The following GDPD4 variants were observed in gnomAD, a reference collection of about 807,000 sequenced individuals.
GDPD4 encodes glycerophosphodiester phosphodiesterase 6.
Under a neutral mutation model 67.8 loss-of-function variants are expected in GDPD4, and 60 were observed. That is an observed-to-expected ratio of 0.88 (90% confidence interval 0.72 to 1.10). GDPD4 has a LOEUF of 1.10. GDPD4 is among the 50% of genes least tolerant of loss of function. The pLI is 0.00. For missense variants in GDPD4, 623 were observed against 613.9 expected (o/e 1.01, Z -0.16); for synonymous variants, 212 against 210.9 (o/e 1.00, Z -0.04).
chr11:77,265,703 GT>G (rs1194810365), intron 10 of GDPD4, among the ~76,000 whole-genome samples: 2 of 152,014 alleles, frequency 1.3e-5, no homozygotes, highest in African/African-American at 4.8e-5. Flanking sequence ...GAACTTATTT[GT>G]ATATTTTGTT....
chr11:77,224,799 C>T (rs545807863), intron 16 of GDPD4, among the ~76,000 whole-genome samples: 27 of 152,116 alleles, frequency 1.8e-4, no homozygotes, highest in African/African-American at 6.5e-4. Flanking sequence ...TTTTAAAATA[C>T]GGCAATAAAA....
chr11:77,275,295 T>C (rs1049549363), intron 5 of GDPD4, among the ~76,000 whole-genome samples: 2 of 152,144 alleles, frequency 1.3e-5, no homozygotes, highest in African/African-American at 2.4e-5. Context: ...AAAACAAGGA[T>C]GCTATATTGG....
intron 13 of GDPD4, 45 bp from the exon 14 acceptor site, chr11:77,233,217 T>C (rs1383237190): frequency 3.8e-6 from 6 of 1,588,588 alleles, no homozygotes; most frequent in Non-Finnish European, 5.2e-6. Flanking sequence ...TCAAGTTTCA[T>C]TCTCATCATC....
At chr11:77,296,998 G>C (rs946839467) in intron 1 of GDPD4, among the ~76,000 whole-genome samples, 1 of 149,688 alleles carries the variant, frequency 6.7e-6, no homozygotes. Context: ...AGGTTGCAGT[G>C]AGCCAAGATC....
intron 2 of GDPD4, chr11:77,286,828 T>G (rs868539237): frequency 6.6e-6 from 1 of 152,216 alleles, no homozygotes; most frequent in African/African-American, 2.4e-5. Flanking sequence ...GCTGTTTTTT[T>G]CTCCTGCGAA....
rs953496776 is a variant in GDPD4, at chr11:77,217,173, GTTCCT to G, written c.*99_*103del. On this transcript the variant is annotated 3_prime_UTR_variant, in exon 17 of 17. Transcript: ENST00000315938. ...GCTGCAAAATTGAAATGGCCTTGGT[GTTCCT>G]TTCCACTCTTGGGTAGAGCCGGGTA... 1 of 871,352 alleles carries G rather than the reference GTTCCT, an allele frequency of 1.1e-6. No homozygotes were observed. The allele number at this position is 871,352 out of a possible 1,614,324, so 54.0% of individuals were successfully genotyped here.
At chr11:77,270,121 C>T (rs568821385) in intron 7 of GDPD4, among the ~76,000 whole-genome samples, 161 bp from the exon 8 acceptor site, 1 of 152,168 alleles carries the variant, frequency 6.6e-6, no homozygotes, top group Admixed American at 6.5e-5. Context: ...CTGCATACCC[C>T]CACAGGTCAG....
chr11:77,288,244 C>T (rs986860022), intron 1 of GDPD4, among the ~76,000 whole-genome samples: 5 of 152,152 alleles, frequency 3.3e-5, no homozygotes, highest in Admixed American at 6.5e-5. Flanking sequence ...ACTGCCATCG[C>T]TGATACCACA....
chr11:77,225,476 C>G (rs1958312105), intron 16 of GDPD4, among the ~76,000 whole-genome samples: 1 of 152,096 alleles, frequency 6.6e-6, no homozygotes, highest in Non-Finnish European at 1.5e-5. Context: ...AGAATTTCAG[C>G]AAACCCTAAT....
In GDPD4 at chr11:77,229,125, CATTTAA is replaced by C; in HGVS notation, c.1472+19_1472+24del. On this transcript the variant is annotated intron_variant, in intron 15 of 16. Transcript: ENST00000315938. The stretch of plus-strand genomic sequence containing the variant: ...TAATCCATTTATTTTGGAAAAAATT[CATTTAA>C]AATTATATATATACTTACCAGTGAA... The C allele has an allele frequency of 8.8e-7, 1 of 1,133,736 alleles. No individual in the cohort carries two copies. Among genetic ancestry groups the C allele is most frequent in the Non-Finnish European group, 1.2e-6 (1 of 800,018 alleles). 70.2% of individuals were successfully genotyped at this position (1,133,736 alleles called of 1,614,324 possible).
intron 10 of GDPD4, among the ~76,000 whole-genome samples, chr11:77,265,027 T>C (rs1024803266): frequency 2.0e-5 from 3 of 152,216 alleles, no homozygotes; most frequent in South Asian, 2.1e-4. Context: ...TAAGACAACC[T>C]TTATTCACCA....
chr11:77,267,920 T>C (rs1426622777), intron 10 of GDPD4, among the ~76,000 whole-genome samples: 1 of 152,060 alleles, frequency 6.6e-6, no homozygotes, highest in Non-Finnish European at 1.5e-5. Flanking sequence ...TTTTTTCTTT[T>C]TTTTCCCACA....
intron 11 of GDPD4, among the ~76,000 whole-genome samples, chr11:77,249,203 T>C (rs1591545850): frequency 6.8e-6 from 1 of 147,712 alleles, no homozygotes; most frequent in Non-Finnish European, 1.5e-5. Flanking sequence ...GAAGCAGAGG[T>C]TGCAGTGAGC....
At position 77,270,967 on chromosome 11, in the gene GDPD4, G is replaced by C. The variant is rs1959214019; in HGVS notation, c.400+163C>G. 5.0e-6 allele frequency: 3 copies of C among 594,188 alleles called. No homozygotes were observed. In the African/African-American group the frequency reaches 5.7e-5, roughly 11 times the overall value. The allele number at this position is 594,188 out of a possible 1,614,324, so 36.8% of individuals were successfully genotyped here. On this transcript the variant is annotated intron_variant, in intron 7 of 16. Coordinates refer to ENST00000315938, the MANE Select transcript of GDPD4 (RefSeq NM_182833.3). ...TGACAGGCCATTGGCCACTATAACAGGGTAGTGAGTGAAAGCACAGGAGCA... is the reference window on the plus strand; with the variant it reads ...TGACAGGCCATTGGCCACTATAACACGGTAGTGAGTGAAAGCACAGGAGCA...
chr11:77,266,299 C>T (rs1412346230), intron 10 of GDPD4, among the ~76,000 whole-genome samples: 1 of 152,124 alleles, frequency 6.6e-6, no homozygotes, highest in East Asian at 1.9e-4. Context: ...TGAAAATTTC[C>T]TATCACCTAG....
intron 1 of GDPD4, among the ~76,000 whole-genome samples, chr11:77,289,439 C>A (rs1039242154): frequency 2.3e-4 from 33 of 146,150 alleles, no homozygotes; most frequent in African/African-American, 8.2e-4. Flanking sequence ...GAAGGCAGGC[C>A]GGCTGGCCAT....
Position 77,279,382 on chromosome 11 carries a change from G to C in GDPD4, c.71C>G (p.Thr24Arg), listed in dbSNP as rs375519795. Residue 24 changes from threonine (T) to arginine (R), a missense_variant, in exon 4 of 17, where the codon ACA becomes AGA. Physicochemically the swap from Thr to Arg is moderately conservative, Grantham distance 71. Transcript: ENST00000315938. ...AATAGACCAGAAAAACCAGTATCCT[G>C]TTCCTAGAAAAGTGACCCTGAAAAA... ...FNFDWVTFLGTGYWFFWSIFI... is the reference protein window; with the variant it reads ...FNFDWVTFLGRGYWFFWSIFI... 16 of 1,609,446 alleles carry C rather than the reference G, an allele frequency of 9.9e-6. No individual in the cohort carries two copies. The South Asian group carries it at 1.1e-4, about 11-fold the overall frequency.
chr11:77,271,210 T>C lies in GDPD4; in HGVS notation c.320A>G (p.Tyr107Cys). 6.2e-7 allele frequency: 1 copy of C among 1,613,166 alleles called. No homozygotes were observed. Among genetic ancestry groups the C allele is most frequent in the South Asian group, 1.1e-5 (1 of 90,806 alleles). Residue 107 changes from tyrosine (Y) to cysteine (C), a missense_variant, in exon 7 of 17, where the codon TAC becomes TGC. Transcript: ENST00000315938. ...AGLSMQIFAPYVHLVSITVMV... is the reference protein window; with the variant it reads ...AGLSMQIFAPCVHLVSITVMV... ...CACAGTTATGCTGACCAGGTGCACG[T>C]AGGGAGCAAAGATCTGTGAGAAAGC...
intron 2 of GDPD4, among the ~76,000 whole-genome samples, chr11:77,285,597 A>AT (rs1408688963): frequency 6.6e-6 from 1 of 152,222 alleles, no homozygotes; most frequent in Non-Finnish European, 1.5e-5. Flanking sequence ...TTAGTCATCA[A>AT]TCTACCCCAT....
Sources: gnomAD v4.1 joint callset for allele counts (sites outside exome capture counted in the v4.1 genomes callset) on GRCh38, gnomAD v4.1.1 for gene constraint, MANE v1.5 for transcripts, NCBI Gene and HGNC (gene_info 2026-07-23, HGNC 2026-07-21) for gene names.